HDAC9: variants seen among roughly 807,000 people sequenced by gnomAD.
HDAC9 encodes the protein MEF-2 interacting transcription repressor (MITR) protein.
HDAC9 carries 41 observed loss-of-function variants against 139.4 expected under a neutral mutation model. The observed-to-expected ratio is 0.29, with a 90% CI of 0.23 to 0.38. The LOEUF is 0.38. Ranked by LOEUF, HDAC9 falls within the 10% of genes least tolerant of loss-of-function variation. HDAC9 has a pLI of 1.00. For missense variants in HDAC9, 1,147 were observed against 1,297.0 expected (o/e 0.88, Z 1.78); for synonymous variants, 517 against 476.2 (o/e 1.09, Z -1.12).
intron 9 of HDAC9, among the ~76,000 whole-genome samples, chr7:18,646,894 ATATC>A: frequency 6.6e-6 from 1 of 152,300 alleles, no homozygotes; most frequent in South Asian, 2.1e-4. Context: ...ATTATACAAA[ATATC>A]TAGAGTGTCA....
intron 25 of HDAC9, among the ~76,000 whole-genome samples, chr7:18,990,522 A>C (rs963030990): frequency 6.6e-6 from 1 of 152,232 alleles, no homozygotes; most frequent in Non-Finnish European, 1.5e-5. Flanking sequence ...CCCTGCCCCC[A>C]GAGGTGGAGC....
chr7:18,936,517 G>A (rs1160901101), intron 23 of HDAC9, among the ~76,000 whole-genome samples: 2 of 152,154 alleles, frequency 1.3e-5, no homozygotes, highest in Non-Finnish European at 2.9e-5. Flanking sequence ...TGGCTACATT[G>A]CAACATACTT....
intron 22 of HDAC9, among the ~76,000 whole-genome samples, chr7:18,893,379 A>C (rs1051007929): frequency 6.6e-6 from 1 of 152,148 alleles, no homozygotes; most frequent in African/African-American, 2.4e-5. Flanking sequence ...CAGAGAAATA[A>C]AACCAGAAAG....
intron 12 of HDAC9, among the ~76,000 whole-genome samples, chr7:18,723,575 C>G (rs1386716061): frequency 6.6e-6 from 1 of 152,168 alleles, no homozygotes; most frequent in Non-Finnish European, 1.5e-5. Flanking sequence ...CTGGTAGACA[C>G]TGGACAGGTA....
intron 22 of HDAC9, among the ~76,000 whole-genome samples, chr7:18,917,752 G>C (rs1426267592): frequency 6.6e-6 from 1 of 151,972 alleles, no homozygotes; most frequent in Non-Finnish European, 1.5e-5. Flanking sequence ...GAAGAAGAAA[G>C]GGAGACTCAG....
At chr7:18,340,151 T>C (rs1286719999) in intron 1 of HDAC9, among the ~76,000 whole-genome samples, 1 of 151,582 alleles carries the variant, frequency 6.6e-6, no homozygotes, top group African/African-American at 2.4e-5. Context: ...ATGATATTTA[T>C]CTCCAATAAT....
intron 11 of HDAC9, among the ~76,000 whole-genome samples, chr7:18,663,444 CG>C (rs1793834374): frequency 6.6e-6 from 1 of 151,896 alleles, no homozygotes; most frequent in Admixed American, 6.6e-5. Flanking sequence ...GGTTCCAAGT[CG>C]CGCCCTCCCT....
intron 1 of HDAC9, among the ~76,000 whole-genome samples, chr7:18,436,313 C>T (rs1279233323): frequency 6.6e-6 from 1 of 152,134 alleles, no homozygotes; most frequent in Non-Finnish European, 1.5e-5. Context: ...TGCTACCCCA[C>T]AAAGGTTTAG....
intron 2 of HDAC9, among the ~76,000 whole-genome samples, chr7:18,262,274 A>C (rs1795730051): frequency 1.3e-5 from 2 of 152,344 alleles, no homozygotes. Flanking sequence ...AAAGAGTCTC[A>C]ATAAGGCTGA....
At chr7:18,835,416 A>G (rs1796164702) in intron 19 of HDAC9, 51 bp from the exon 20 acceptor site, 3 of 1,554,526 alleles carry the variant, frequency 1.9e-6, no homozygotes, top group African/African-American at 2.7e-5. Flanking sequence ...GGTTGTCTCC[A>G]CACAAAGTTA....
At position 18,827,274 on chromosome 7, in the gene HDAC9, A is replaced by G. The variant is rs192414783; in HGVS notation, c.2323-1887A>G. 2.6e-5 allele frequency among the ~76,000 whole-genome samples: 4 copies of G among 152,200 alleles called. No homozygotes were observed. In the East Asian group the frequency reaches 7.7e-4, roughly 29 times the overall value. ...TAAAGACTATCTAATAGTCCATGGT[A>G]TTTGGTTTTCCCTATTATAAATAAG... On this transcript the variant is annotated intron_variant, in intron 17 of 25. Transcript: ENST00000686413.
At chr7:18,136,407 G>A (rs1326706993) in intron 1 of HDAC9, among the ~76,000 whole-genome samples, 1 of 151,994 alleles carries the variant, frequency 6.6e-6, no homozygotes, top group East Asian at 1.9e-4. Context: ...GTAATGCCTA[G>A]GTTTTCTTCT....
At chr7:18,517,376 AG>A (rs1418480252) in intron 2 of HDAC9, among the ~76,000 whole-genome samples, 2 of 152,206 alleles carry the variant, frequency 1.3e-5, no homozygotes, top group African/African-American at 4.8e-5. Flanking sequence ...TTTCATGTCA[AG>A]TATGGTCCCT....
intron 2 of HDAC9, among the ~76,000 whole-genome samples, chr7:18,164,347 C>T (rs1198059783): frequency 2.6e-5 from 4 of 151,894 alleles, no homozygotes; most frequent in South Asian, 2.1e-4. Context: ...CTTAGGGTGC[C>T]GTATATATTC....
intron 22 of HDAC9, among the ~76,000 whole-genome samples, chr7:18,901,087 A>G (rs1163124342): frequency 1.3e-5 from 2 of 151,860 alleles, no homozygotes; most frequent in African/African-American, 4.8e-5. Context: ...GTCCTGTGAC[A>G]TTAATCATGA....
chr7:18,154,173 T>C (rs948287728), intron 1 of HDAC9, among the ~76,000 whole-genome samples: 1 of 152,152 alleles, frequency 6.6e-6, no homozygotes, highest in Non-Finnish European at 1.5e-5. Flanking sequence ...TATTCGAATG[T>C]TTTTCTTTCT....
intron 2 of HDAC9, among the ~76,000 whole-genome samples, chr7:18,164,063 A>G (rs1357207803): frequency 6.6e-6 from 1 of 152,218 alleles, no homozygotes; most frequent in Non-Finnish European, 1.5e-5. Flanking sequence ...AGGGTCACCA[A>G]AATTTCCTCG....
chr7:18,319,258 T>A (rs1241558741), intron 1 of HDAC9, among the ~76,000 whole-genome samples: 1 of 152,216 alleles, frequency 6.6e-6, no homozygotes, highest in Non-Finnish European at 1.5e-5. Context: ...AGTAAAACTT[T>A]CAAAATCGCC....
At chr7:18,932,341 A>T (rs1454062312) in intron 22 of HDAC9, among the ~76,000 whole-genome samples, 11 of 152,176 alleles carry the variant, frequency 7.2e-5, no homozygotes. Flanking sequence ...GTTGAATGAG[A>T]AACATTCAAA....
Sources: gnomAD v4.1 joint callset for allele counts (sites outside exome capture counted in the v4.1 genomes callset) on GRCh38, gnomAD v4.1.1 for gene constraint, MANE v1.5 for transcripts, NCBI Gene and HGNC (gene_info 2026-07-23, HGNC 2026-07-21) for gene names.